RGS8: variants seen among roughly 807,000 people sequenced by gnomAD.
The protein encoded by RGS8 is regulator of G-protein signaling 8.
A neutral mutation model predicts 21.7 loss-of-function variants in RGS8; 8 were observed. That is an observed-to-expected ratio of 0.37 (90% CI 0.22 to 0.66). The LOEUF (loss-of-function observed/expected upper bound fraction) is 0.66. Ranked by LOEUF, RGS8 falls within the 30% of genes least tolerant of loss-of-function variation. The pLI, the probability that RGS8 is intolerant of heterozygous loss-of-function variation, is 0.59. For missense variants in RGS8, 157 were observed against 217.9 expected (o/e 0.72, Z 1.76); for synonymous variants, 80 against 83.6 (o/e 0.96, Z 0.24).
intron 5 of RGS8, among the ~76,000 whole-genome samples, chr1:182,652,616 T>G (rs192010800): frequency 9.2e-5 from 14 of 152,386 alleles, no homozygotes; most frequent in Admixed American, 8.5e-4. Flanking sequence ...GTTATGTGAC[T>G]CAGGCTATGC....
chr1:182,647,344 C>A (rs1662750962), intron 6 of RGS8, among the ~76,000 whole-genome samples: 1 of 152,298 alleles, frequency 6.6e-6, no homozygotes, highest in Admixed American at 6.5e-5. Context: ...GAAACAAATG[C>A]CCTGTGGAGG....
chr1:182,751,371 T>C, the RGS8 span, among the ~76,000 whole-genome samples: 1 of 152,228 alleles, frequency 6.6e-6, no homozygotes, highest in Non-Finnish European at 1.5e-5. Context: ...CATTCATTTA[T>C]TTATCATATA....
chr1:182,685,189 G>A (rs984221578), upstream of RGS8, among the ~76,000 whole-genome samples: 10 of 152,168 alleles, frequency 6.6e-5, no homozygotes, highest in East Asian at 1.5e-3. Flanking sequence ...CTGTCCCCTC[G>A]ACCACCTGCC....
intron 1 of RGS8, among the ~76,000 whole-genome samples, chr1:182,683,465 T>G (rs555966593): frequency 6.6e-6 from 1 of 152,124 alleles, no homozygotes; most frequent in Admixed American, 6.5e-5. Flanking sequence ...GACTTCAGGA[T>G]GGGGTAAGCT....
the RGS8 span, among the ~76,000 whole-genome samples, chr1:182,694,807 C>CAA: frequency 7.6e-5 from 7 of 92,208 alleles, no homozygotes; most frequent in Admixed American, 1.1e-4. Context: ...GACTCCTACT[C>CAA]AAAAAAAAAA....
At chr1:182,695,470 C>T in the RGS8 span, among the ~76,000 whole-genome samples, 1 of 152,138 alleles carries the variant, frequency 6.6e-6, no homozygotes, top group East Asian at 1.9e-4. Context: ...TTTTGAGCCA[C>T]TGTAAAACTA....
chr1:182,708,527 A>G, the RGS8 span, among the ~76,000 whole-genome samples: 1 of 152,248 alleles, frequency 6.6e-6, no homozygotes, highest in Non-Finnish European at 1.5e-5. Context: ...ATGGACTGAT[A>G]GCATAATACC....
the RGS8 span, among the ~76,000 whole-genome samples, chr1:182,716,339 T>C: frequency 6.6e-6 from 1 of 152,148 alleles, no homozygotes; most frequent in African/African-American, 2.4e-5. Context: ...TTGCCCAGGC[T>C]GGTCTTGAAC....
At chr1:182,751,528 G>C in the RGS8 span, among the ~76,000 whole-genome samples, 1 of 152,136 alleles carries the variant, frequency 6.6e-6, no homozygotes, top group Non-Finnish European at 1.5e-5. Context: ...TTAAAAAGGG[G>C]TTCATTTTCC....
chr1:182,724,747 G>A, the RGS8 span, among the ~76,000 whole-genome samples: 591 of 152,066 alleles, frequency 3.9e-3, 3 homozygotes, highest in African/African-American at 0.014. Context: ...TAGAAGAGAC[G>A]GGGTTTCACC....
At chr1:182,644,057 TG>T (rs1193058834), downstream of RGS8, 1 of 152,360 alleles carries the variant, frequency 6.6e-6, no homozygotes, top group African/African-American at 2.4e-5. Flanking sequence ...CCCAAGGACA[TG>T]GGCTTGCGGA....
chr1:182,747,650 A>G, the RGS8 span, among the ~76,000 whole-genome samples: 1 of 152,198 alleles, frequency 6.6e-6, no homozygotes, highest in Non-Finnish European at 1.5e-5. Flanking sequence ...TGGAACAAGC[A>G]AGAGGCATCA....
At chr1:182,656,507 A>G (rs987829674) in intron 5 of RGS8, among the ~76,000 whole-genome samples, 3 of 152,224 alleles carry the variant, frequency 2.0e-5, no homozygotes, top group Non-Finnish European at 1.5e-5. Context: ...TCTTGTCAAA[A>G]GAGCTGAAGT....
the RGS8 span, among the ~76,000 whole-genome samples, chr1:182,719,955 A>T: frequency 6.6e-6 from 1 of 152,102 alleles, no homozygotes; most frequent in Non-Finnish European, 1.5e-5. Flanking sequence ...TTTTACTTAC[A>T]CTAACCTCCA....
chr1:182,735,460 C>T, the RGS8 span, among the ~76,000 whole-genome samples: 1 of 152,032 alleles, frequency 6.6e-6, no homozygotes. Flanking sequence ...CTTTGAATAA[C>T]GTAGGTCATT....
At chr1:182,695,534 C>A in the RGS8 span, among the ~76,000 whole-genome samples, 1 of 152,158 alleles carries the variant, frequency 6.6e-6, no homozygotes, top group Non-Finnish European at 1.5e-5. Flanking sequence ...GTTGCCCAGG[C>A]TGGATTCGAA....
chr1:182,716,826 A>T, the RGS8 span, among the ~76,000 whole-genome samples: 1 of 152,170 alleles, frequency 6.6e-6, no homozygotes, highest in African/African-American at 2.4e-5. Context: ...AAATGCCACC[A>T]CCTAGATTCA....
At chr1:182,702,392 A>C in the RGS8 span, among the ~76,000 whole-genome samples, 1,013 of 152,234 alleles carry the variant, frequency 6.7e-3, 12 homozygotes, top group African/African-American at 0.024. Context: ...AGTAGGGAGG[A>C]AGTGAGGGGG....
In RGS8 at chr1:182,671,861, G is replaced by C. The variant is rs190814579; in HGVS notation, c.-190C>G. 9.9e-6 allele frequency: 15 copies of C among 1,522,280 alleles called. 1 individual carries two copies. In the Admixed American group the frequency reaches 1.1e-4, roughly 11 times the overall value. The allele number at this position is 1,522,280 out of a possible 1,614,324, so 94.3% of individuals were successfully genotyped here. A position where few individuals can be genotyped will look rare whatever the true frequency, so the allele number is the denominator to read the frequency against. ...ATGCACAACACACCTCCCACCACTT[G>C]AGCCAGGCAGCAAGCGGCCCCACTG... is the stretch of plus-strand genomic sequence containing the variant. On this transcript the variant is annotated 5_prime_UTR_variant, in exon 1 of 7. Transcript: ENST00000483095.
Sources: gnomAD v4.1 joint callset for allele counts (sites outside exome capture counted in the v4.1 genomes callset) on GRCh38, gnomAD v4.1.1 for gene constraint, MANE v1.5 for transcripts, NCBI Gene and HGNC (gene_info 2026-07-23, HGNC 2026-07-21) for gene names.